Variants in ZNF385D observed in about 807,000 individuals in gnomAD.
ZNF385D encodes zinc finger protein 659.
Under a neutral mutation model 35.8 loss-of-function variants are expected in ZNF385D, and 15 were observed. The ratio of observed to expected loss-of-function variants is 0.42; its 90% CI spans 0.28 to 0.64. The LOEUF (loss-of-function observed/expected upper bound fraction) is 0.64. Ranked by LOEUF, ZNF385D falls within the 30% of genes least tolerant of loss-of-function variation. ZNF385D has a pLI of 0.23. For missense variants in ZNF385D, 474 were observed against 494.6 expected, an observed-to-expected ratio of 0.96 and a Z score of 0.39; for synonymous variants, 212 against 186.8, an observed-to-expected ratio of 1.13 and a Z score of -1.10.
chr3:21,432,602 T>C (rs1701346092), intron 5 of ZNF385D, among the ~76,000 whole-genome samples: 1 of 151,882 alleles, frequency 6.6e-6, no homozygotes, highest in African/African-American at 2.4e-5. Flanking sequence ...TTTTTTTTTG[T>C]GGGGGGAAAT....
At chr3:22,008,360 C>CAT (rs773952386) in intron 3 of ZNF385D, among the ~76,000 whole-genome samples, 5 of 131,944 alleles carry the variant, frequency 3.8e-5, no homozygotes, top group Admixed American at 7.4e-5. Flanking sequence ...CCATGATTTT[C>CAT]TTTTTTTTTT....
intron 3 of ZNF385D, among the ~76,000 whole-genome samples, chr3:21,836,779 A>T (rs559518236): frequency 1.3e-5 from 2 of 152,238 alleles, no homozygotes; most frequent in East Asian, 3.9e-4. Flanking sequence ...TGGCCATTAA[A>T]CAAATGTAAA....
chr3:22,066,576 G>A (rs1467385562), intron 3 of ZNF385D, among the ~76,000 whole-genome samples: 2 of 112,650 alleles, frequency 1.8e-5, no homozygotes, highest in Non-Finnish European at 1.8e-5. Flanking sequence ...GTGTGTGTGT[G>A]TGTGTAAGTA....
intron 3 of ZNF385D, among the ~76,000 whole-genome samples, chr3:22,123,989 T>TATATATATATATATATATATATA (rs1377343508): frequency 7.0e-6 from 1 of 142,080 alleles, no homozygotes; most frequent in African/African-American, 2.6e-5. Context: ...TATATATATA[T>TATATATATATATATATATATATA]TGCTGACTGA....
chr3:21,950,558 C>A (rs1267775211), intron 3 of ZNF385D, among the ~76,000 whole-genome samples: 9 of 151,614 alleles, frequency 5.9e-5, no homozygotes, highest in Admixed American at 5.9e-4. Flanking sequence ...TAATTAGATC[C>A]CATTTGTCTA....
At chr3:21,805,053 C>T (rs2072575965) in intron 3 of ZNF385D, among the ~76,000 whole-genome samples, 1 of 152,100 alleles carries the variant, frequency 6.6e-6, no homozygotes, top group African/African-American at 2.4e-5. Flanking sequence ...GGGGCTTATA[C>T]CACTAGGTGG....
chr3:22,273,574 C>T (rs1701283057), intron 2 of ZNF385D, among the ~76,000 whole-genome samples: 1 of 151,894 alleles, frequency 6.6e-6, no homozygotes, highest in South Asian at 2.1e-4. Context: ...AAGTTGAGAA[C>T]TCCTGTCCTA....
At chr3:22,363,997 C>T (rs1696535378) in intron 2 of ZNF385D, among the ~76,000 whole-genome samples, 1 of 152,094 alleles carries the variant, frequency 6.6e-6, no homozygotes, top group African/African-American at 2.4e-5. Flanking sequence ...TTCAACTTTA[C>T]TTAAATGAAT....
intron 2 of ZNF385D, among the ~76,000 whole-genome samples, chr3:22,243,498 G>T (rs1409326885): frequency 6.6e-6 from 1 of 151,028 alleles, no homozygotes; most frequent in Non-Finnish European, 1.5e-5. Context: ...AGCTACTAAA[G>T]ATTTCTGAGC....
At chr3:21,542,129 G>A (rs1575135618) in intron 3 of ZNF385D, among the ~76,000 whole-genome samples, 1 of 152,174 alleles carries the variant, frequency 6.6e-6, no homozygotes, top group African/African-American at 2.4e-5. Context: ...CAAGTTTCTA[G>A]GTCATGCTCA....
intron 4 of ZNF385D, among the ~76,000 whole-genome samples, chr3:21,454,810 CA>C (rs1158136803): frequency 2.6e-5 from 4 of 152,134 alleles, no homozygotes; most frequent in Admixed American, 2.6e-4. Context: ...TCCCTGTTTG[CA>C]GATGACATGA....
intron 2 of ZNF385D, among the ~76,000 whole-genome samples, chr3:21,658,487 A>G (rs1376770954): frequency 6.6e-6 from 1 of 151,942 alleles, no homozygotes; most frequent in African/African-American, 2.4e-5. Context: ...CATCAATTAC[A>G]CTTCTTATGG....
intron 3 of ZNF385D, among the ~76,000 whole-genome samples, chr3:22,155,738 T>A (rs1705540668): frequency 6.6e-6 from 1 of 152,156 alleles, no homozygotes; most frequent in African/African-American, 2.4e-5. Context: ...GGTAGAAGAA[T>A]TATGTATGAC....
At chr3:21,805,082 T>C (rs1369747718) in intron 3 of ZNF385D, among the ~76,000 whole-genome samples, 5 of 152,188 alleles carry the variant, frequency 3.3e-5, no homozygotes, top group African/African-American at 1.2e-4. Context: ...TTTCAAACTA[T>C]TAAGGAAAGT....
At chr3:21,421,858 G>A (rs1700754693) in intron 7 of ZNF385D, among the ~76,000 whole-genome samples, 1 of 152,020 alleles carries the variant, frequency 6.6e-6, no homozygotes, top group Non-Finnish European at 1.5e-5. Flanking sequence ...ACTAGCCAAG[G>A]GTGTAACCTG....
intron 5 of ZNF385D, among the ~76,000 whole-genome samples, chr3:21,435,981 A>G (rs1701530913): frequency 6.6e-6 from 1 of 152,216 alleles, no homozygotes; most frequent in Non-Finnish European, 1.5e-5. Context: ...CAATGACTCA[A>G]CATACAGCTG....
At chr3:22,167,929 A>T (rs1232279716) in intron 3 of ZNF385D, among the ~76,000 whole-genome samples, 1 of 152,196 alleles carries the variant, frequency 6.6e-6, no homozygotes, top group Non-Finnish European at 1.5e-5. Context: ...CACATAAAGC[A>T]ATGCAGAAGC....
chr3:22,371,331 C>T (rs1005031635), intron 2 of ZNF385D, among the ~76,000 whole-genome samples: 61 of 152,264 alleles, frequency 4.0e-4, no homozygotes, highest in African/African-American at 1.4e-3. Context: ...GAGATGATTT[C>T]CCCACCATAT....
chr3:22,060,788 C>T (rs1033759648), intron 3 of ZNF385D, among the ~76,000 whole-genome samples: 52 of 152,056 alleles, frequency 3.4e-4, no homozygotes, highest in Admixed American at 4.6e-4. Flanking sequence ...AAGCCATCCA[C>T]GCAAGGGTTT....
Sources: allele counts gnomAD v4.1 joint callset (sites outside exome capture counted in the v4.1 genomes callset), GRCh38; gene constraint gnomAD v4.1.1; transcripts MANE v1.5; gene names NCBI Gene and HGNC (gene_info 2026-07-23, HGNC 2026-07-21).